The following RPGRIP1L variants were observed in gnomAD, a reference collection of about 807,000 sequenced individuals.
RPGRIP1L encodes the protein protein fantom.
In RPGRIP1L, 131 loss-of-function variants were observed where a neutral mutation model predicts 160.4. That is an observed-to-expected ratio of 0.82 (90% CI 0.71 to 0.94). The LOEUF is 0.94. Among genes scored for constraint, RPGRIP1L ranks in the 40% least tolerant of loss-of-function variants. The probability of loss-of-function intolerance (pLI) is 0.00; values close to 1 mark genes in which losing one functional copy is unlikely to be tolerated. For synonymous variants in RPGRIP1L, 510 were observed against 515.8 expected (o/e 0.99, Z 0.15); for missense variants, 1,522 against 1,535.8 (o/e 0.99, Z 0.15).
chr16:53,603,163 GA>G (rs1367188509), intron 26 of RPGRIP1L, among the ~76,000 whole-genome samples: 1 of 152,170 alleles, frequency 6.6e-6, no homozygotes, highest in African/African-American at 2.4e-5. Context: ...TATTTGGCTG[GA>G]GCCATGGGCA....
intron 22 of RPGRIP1L, among the ~76,000 whole-genome samples, chr16:53,626,894 T>C (rs1389328572): frequency 1.3e-5 from 2 of 152,038 alleles, no homozygotes; most frequent in African/African-American, 4.8e-5. Context: ...GTTGTCTGTA[T>C]AGATGGACAC....
chr16:53,607,888 C>T (rs752415888), intron 25 of RPGRIP1L: 40 of 567,780 alleles, frequency 7.0e-5, no homozygotes, highest in Non-Finnish European at 8.5e-5. Flanking sequence ...TAAAAAATAA[C>T]GAAAAGACAC....
At chr16:53,674,550 A>G (rs1200636978) in intron 7 of RPGRIP1L, among the ~76,000 whole-genome samples, 2 of 152,090 alleles carry the variant, frequency 1.3e-5, no homozygotes, top group Admixed American at 1.3e-4. Context: ...AATGGTAGTG[A>G]CCAAAAAAGA....
At chr16:53,626,556 G>A (rs1289271306) in intron 22 of RPGRIP1L, among the ~76,000 whole-genome samples, 1 of 152,110 alleles carries the variant, frequency 6.6e-6, no homozygotes, top group East Asian at 1.9e-4. Context: ...TGTAATCCCA[G>A]CACTTTGGGA....
At position 53,619,057 on chromosome 16, in the gene RPGRIP1L, C is replaced by A. The variant is rs1391435805; in HGVS notation, c.3584G>T (p.Ser1195Ile). 6.2e-7 allele frequency: 1 copy of A among 1,613,882 alleles called. No individual in the cohort carries two copies. Among genetic ancestry groups the A allele is most frequent in the Non-Finnish European group, 8.5e-7 (1 of 1,179,920 alleles). Reference protein sequence around the residue: ...ETPVSLPKPKSGQWVYYNYSN... With the variant: ...ETPVSLPKPKIGQWVYYNYSN... ...ATAGTTATAGTAGACCCACTGCCCACTCTTGGGTTTTGGAAGTGACACGGG... is the reference window on the plus strand; with the variant it reads ...ATAGTTATAGTAGACCCACTGCCCAATCTTGGGTTTTGGAAGTGACACGGG... The change falls in exon 24 of 27, where the codon AGT becomes ATT. Residue 1195 changes from serine (S) to isoleucine (I), a missense_variant. Transcript: ENST00000647211.
At chr16:53,656,349 A>C in intron 14 of RPGRIP1L, 123 bp downstream of exon 14, 1 of 794,054 alleles carries the variant, frequency 1.3e-6, no homozygotes, top group Non-Finnish European at 2.3e-6. Flanking sequence ...TTCATGAGCT[A>C]GCTATGAATT....
chr16:53,617,816 G>C (rs1291753440), intron 24 of RPGRIP1L, among the ~76,000 whole-genome samples: 1 of 152,144 alleles, frequency 6.6e-6, no homozygotes, highest in Non-Finnish European at 1.5e-5. Flanking sequence ...GTAACTGTGA[G>C]CATTTGTAAT....
intron 4 of RPGRIP1L, 52 bp downstream of exon 4, chr16:53,692,014 T>C: frequency 6.4e-7 from 1 of 1,561,048 alleles, no homozygotes; most frequent in Non-Finnish European, 8.8e-7. Flanking sequence ...TTTTTTTGTG[T>C]TAAACAATCT....
chr16:53,649,050 C>A lies in RPGRIP1L; in HGVS notation c.2218G>T (p.Asp740Tyr), dbSNP rs755481580. 1 of 1,613,956 alleles carries A rather than the reference C, an allele frequency of 6.2e-7. No individual in the cohort carries two copies. Residue 740 changes from aspartate to tyrosine, a missense_variant, in exon 16 of 27, where the codon GAT becomes TAT. Transcript: ENST00000647211. Reference protein sequence around the residue: ...EYWFRLRVPMDQAIRLYRERA... With the variant: ...EYWFRLRVPMYQAIRLYRERA... ...TCTCGATAAAGTCGAATTGCTTGAT[C>A]CATGGGAACTCTTAATCGGAACCAG...
chr16:53,645,792 T>A lies in RPGRIP1L; in HGVS notation c.2516A>T (p.Asp839Val). ...TGGCACTGGGAAATACATATGATCATCAAACTGTGGATCATTGCTACTGGG... is the reference window on the plus strand; with the variant it reads ...TGGCACTGGGAAATACATATGATCAACAAACTGTGGATCATTGCTACTGGG... ...IIPSSNDPQF[D>V]DHMYFPVPMN... Residue 839 changes from aspartate to valine, a missense_variant, in exon 17 of 27, where the codon GAT (aspartate) becomes GTT (valine). Transcript: ENST00000647211. The A allele has an allele frequency of 6.2e-7, 1 of 1,614,078 alleles. No homozygotes were observed. Among genetic ancestry groups the A allele is most frequent in the Non-Finnish European group, 8.5e-7 (1 of 1,179,946 alleles).
rs569625034 is a variant in RPGRIP1L, at chr16:53,640,470, G to A, written c.2958+563C>T. Among the ~76,000 whole-genome samples the A allele has an allele frequency of 3.3e-5, 5 of 152,262 alleles. No individual in the cohort carries two copies. In the East Asian group the frequency reaches 9.7e-4, roughly 29 times the overall value. ...AGATATGGATTGAGAAGACGTCTGA[G>A]GATTGACTGCAGAGGCACGACGATA... On this transcript the variant is annotated intron_variant, in intron 19 of 26. Coordinates refer to ENST00000647211, the MANE Select transcript of RPGRIP1L (RefSeq NM_015272.5).
At chr16:53,681,865 T>G (rs900200035) in intron 6 of RPGRIP1L, among the ~76,000 whole-genome samples, 2 of 152,132 alleles carry the variant, frequency 1.3e-5, no homozygotes, top group Non-Finnish European at 2.9e-5. Context: ...GAACAAGGAG[T>G]CCAACATCCA....
chr16:53,698,252 A>C (rs1205200350), intron 2 of RPGRIP1L, among the ~76,000 whole-genome samples: 326 of 134,278 alleles, frequency 2.4e-3, no homozygotes, highest in African/African-American at 8.7e-3. Context: ...CCGGCAGCCG[A>C]CCCGTCCGGG....
At chr16:53,646,154 G>A in intron 16 of RPGRIP1L, 151 bp from the exon 17 acceptor site, 1 of 719,158 alleles carries the variant, frequency 1.4e-6, no homozygotes, top group Non-Finnish European at 2.3e-6. Context: ...TTATTCTAAT[G>A]GAAAATCAAT....
At chr16:53,675,415 T>C (rs1222899484) in intron 6 of RPGRIP1L, among the ~76,000 whole-genome samples, 5 of 152,160 alleles carry the variant, frequency 3.3e-5, no homozygotes, top group Non-Finnish European at 5.9e-5. Context: ...TTTAAAATCA[T>C]TTTATAGTAT....
Position 53,641,329 on chromosome 16 carries a change from C to A in RPGRIP1L, c.2830G>T (p.Val944Phe). The A allele has an allele frequency of 6.2e-7, 1 of 1,614,062 alleles. No homozygotes were observed. Among genetic ancestry groups the A allele is most frequent in the Non-Finnish European group, 8.5e-7 (1 of 1,179,980 alleles). Residue 944 changes from valine to phenylalanine, a missense_variant, in exon 18 of 27, where the codon GTT becomes TTT. Transcript: ENST00000647211. ...GAGGATGCTGGAGGAAGTCTTTGAA[C>A]AACTTCTGGCTCTTCGCTGCGAATG... is the stretch of plus-strand genomic sequence containing the variant. ...NFIRSEEPEV[V>F]QRLPPASSVS...
chr16:53,637,987 A>G (rs1049233423), intron 20 of RPGRIP1L, 133 bp from the exon 21 acceptor site: 11 of 842,012 alleles, frequency 1.3e-5, no homozygotes, highest in East Asian at 7.8e-5. Flanking sequence ...TATGTATGAG[A>G]CTCAGAAAAC....
At chr16:53,675,864 T>C (rs1473161745) in intron 6 of RPGRIP1L, among the ~76,000 whole-genome samples, 3 of 152,194 alleles carry the variant, frequency 2.0e-5, no homozygotes, top group African/African-American at 7.2e-5. Flanking sequence ...TAGATCTAAA[T>C]GAGTACCTGT....
rs183519312 is a variant in RPGRIP1L at position 53,699,772 on chromosome 16, C to G, written c.85+867G>C. On this transcript the variant is annotated intron_variant, in intron 2 of 26. Coordinates refer to ENST00000647211, the MANE Select transcript of RPGRIP1L (RefSeq NM_015272.5). ...GGCGGAGGTTGTAGTGAGCGGAGGT[C>G]GCGCCACTGCACTCCAGCCTGGGCG... 5.3e-3 allele frequency among the ~76,000 whole-genome samples: 786 copies of G among 148,046 alleles called. 8 individuals are homozygous for G. The highest frequency in any genetic ancestry group is 0.019 in the African/African-American group (747 of 39,568).
Sources: allele counts gnomAD v4.1 joint callset (sites outside exome capture counted in the v4.1 genomes callset), GRCh38; gene constraint gnomAD v4.1.1; transcripts MANE v1.5; gene names NCBI Gene and HGNC (gene_info 2026-07-23, HGNC 2026-07-21).